The following DIAPH2 variants were observed in gnomAD, a reference collection of about 807,000 sequenced individuals.
DIAPH2 encodes protein diaphanous homolog 2.
In DIAPH2, 35 loss-of-function variants were observed where a neutral mutation model predicts 92.7. The ratio of observed to expected loss-of-function variants is 0.38; its 90% CI spans 0.29 to 0.50. DIAPH2 has a LOEUF of 0.50. DIAPH2 is among the 20% of genes least tolerant of loss of function. DIAPH2 has a pLI of 0.94. For synonymous variants in DIAPH2, 301 were observed against 280.4 expected (o/e 1.07, Z -0.73); for missense variants, 701 against 819.5 (o/e 0.86, Z 1.77).
chrX:97,299,140 G>A (rs763098742), intron 23 of DIAPH2, among the ~76,000 whole-genome samples: 1 of 111,698 alleles, frequency 9.0e-6, no homozygotes, highest in South Asian at 3.7e-4. Flanking sequence ...CTATAAAGAG[G>A]GAAAATAAGA....
Position 97,409,737 on chromosome X carries a change from C to T in DIAPH2, c.3146-19913C>T, listed in dbSNP as rs138970433. The stretch of plus-strand genomic sequence containing the variant: ...AGATTATATCCCGTGCCTGGCTCAG[C>T]GGGCCCCACGCTCACGGAGCCTTGC... On this transcript the variant is annotated intron_variant, in intron 25 of 26. Transcript: ENST00000324765. Among the ~76,000 whole-genome samples, 576 of 112,410 alleles carry T rather than the reference C, an allele frequency of 5.1e-3. 3 individuals are homozygous for T. The highest frequency in any genetic ancestry group is 0.01 in the South Asian group (27 of 2,643).
chrX:96,773,471 A>C (rs1024531612), intron 4 of DIAPH2, among the ~76,000 whole-genome samples: 6 of 111,181 alleles, frequency 5.4e-5, no homozygotes, highest in Non-Finnish European at 9.4e-5. Flanking sequence ...CAGAGAGAAA[A>C]GATGACCATC....
intron 17 of DIAPH2, among the ~76,000 whole-genome samples, chrX:96,976,689 A>G (rs2065964295): frequency 9.0e-6 from 1 of 110,970 alleles, no homozygotes; most frequent in African/African-American, 3.3e-5. Flanking sequence ...GAAAGAGAGT[A>G]TCTTCTGCCT....
At chrX:97,014,432 G>C (rs774731478) in intron 17 of DIAPH2, among the ~76,000 whole-genome samples, 6 of 111,839 alleles carry the variant, frequency 5.4e-5, no homozygotes, top group African/African-American at 2.0e-4. Context: ...CTTCTGTTGC[G>C]TACTTTTCTT....
At chrX:97,567,072 C>G (rs2071332623) in intron 26 of DIAPH2, among the ~76,000 whole-genome samples, 1 of 111,538 alleles carries the variant, frequency 9.0e-6, no homozygotes, top group Non-Finnish European at 1.9e-5. Context: ...CACATAATAA[C>G]TACACACATC....
chrX:96,685,206 G>GC lies in DIAPH2; in HGVS notation c.132+21dup. On this transcript the variant is annotated intron_variant, in intron 1 of 26. Transcript: ENST00000324765. ...ACCCAAATTGGTGAGTGCTCCCGCA[G>GC]CCCCCGCCGGCCTTAGGGACAGGGA... 1.0e-6 allele frequency: 1 copy of GC among 988,981 alleles called. No individual in the cohort carries two copies. The highest frequency in any genetic ancestry group is 1.3e-6 in the Non-Finnish European group (1 of 775,957). 81.5% of individuals were successfully genotyped at this position (988,981 alleles called of 1,213,427 possible).
intron 21 of DIAPH2, among the ~76,000 whole-genome samples, chrX:97,138,424 A>AT (rs2067187882): frequency 8.9e-6 from 1 of 111,937 alleles, no homozygotes; most frequent in African/African-American, 3.2e-5. Flanking sequence ...TATTAAAGGT[A>AT]TTTTGTATTC....
intron 23 of DIAPH2, among the ~76,000 whole-genome samples, chrX:97,260,016 G>C (rs1467134306): frequency 2.7e-5 from 3 of 111,809 alleles, no homozygotes; most frequent in African/African-American, 9.8e-5. Flanking sequence ...TTTTAGTAGA[G>C]ATGGGCTTTC....
In DIAPH2 at chrX:97,587,235, G is replaced by A. The variant is rs192540634; in HGVS notation, c.3242-12018G>A. Among the ~76,000 whole-genome samples the A allele has an allele frequency of 5.7e-3, 615 of 108,512 alleles. 2 individuals are homozygous for A. The highest frequency in any genetic ancestry group is 0.02 in the African/African-American group (580 of 29,599). The allele number at this position is 108,512 out of a possible 115,157, so 94.2% of individuals were successfully genotyped here. On this transcript the variant is annotated intron_variant, in intron 26 of 26. Coordinates refer to ENST00000324765, the MANE Select transcript of DIAPH2 (RefSeq NM_006729.5). The stretch of plus-strand genomic sequence containing the variant: ...AGTGCATAAGTCTACTCAGGAAACC[G>A]AATTGAATTTCAGCAGGTTGCCTGG...
intron 4 of DIAPH2, among the ~76,000 whole-genome samples, chrX:96,826,487 A>G (rs944113244): frequency 1.8e-5 from 2 of 111,502 alleles, no homozygotes; most frequent in African/African-American, 6.5e-5. Flanking sequence ...AAAGCAAATA[A>G]TAATTACAAT....
At chrX:96,898,366 T>A (rs1350011605) in intron 5 of DIAPH2, among the ~76,000 whole-genome samples, 1 of 99,585 alleles carries the variant, frequency 1.0e-5, no homozygotes, top group Non-Finnish European at 2.1e-5. Flanking sequence ...TTCCTATTTC[T>A]CCACATCCTC....
chrX:97,492,991 A>G (rs768996970), intron 26 of DIAPH2, among the ~76,000 whole-genome samples: 1 of 111,862 alleles, frequency 8.9e-6, no homozygotes, highest in South Asian at 3.7e-4. Flanking sequence ...TCCCCTGACT[A>G]TCTCTCTTCT....
rs755233576 is a variant in DIAPH2, at chrX:96,958,056, C to T, written c.1843C>T (p.Pro615Ser). 1.3e-5 allele frequency: 16 copies of T among 1,211,534 alleles called. No individual in the cohort carries two copies. Among genetic ancestry groups the T allele is most frequent in the Non-Finnish European group, 1.7e-5 (15 of 895,402 alleles). Residue 615 changes from proline (P) to serine (S), a missense_variant, in exon 16 of 27, where the codon CCC becomes TCC. Physicochemically the swap from Pro to Ser is moderately conservative, Grantham distance 74. Around this residue, in one of 3 missense-constraint regions of DIAPH2, gnomAD observed 536 missense variants for 599.3 expected, o/e 0.89. Coordinates refer to ENST00000324765, the MANE Select transcript of DIAPH2 (RefSeq NM_006729.5). Reference protein sequence around the residue: ...PPPPLGGVPPPPGISLNLPYG... With the variant: ...PPPPLGGVPPSPGISLNLPYG... The stretch of plus-strand genomic sequence containing the variant: ...ACCACCCCTTGGAGGAGTTCCTCCT[C>T]CCCCAGGAATATCACTTAATCTACC...
intron 4 of DIAPH2, among the ~76,000 whole-genome samples, chrX:96,806,646 C>CTAAA (rs2064627220): frequency 2.9e-5 from 1 of 34,440 alleles, no homozygotes; most frequent in Non-Finnish European, 4.4e-5. Context: ...AACTCCATCT[C>CTAAA]AAAAAAAAAA....
intron 25 of DIAPH2, among the ~76,000 whole-genome samples, chrX:97,387,655 C>T (rs777968820): frequency 8.9e-6 from 1 of 111,910 alleles, no homozygotes; most frequent in Non-Finnish European, 1.9e-5. Context: ...TCCAAAAACA[C>T]CCTCACAGAA....
At chrX:97,231,587 C>T (rs754821326) in intron 22 of DIAPH2, among the ~76,000 whole-genome samples, 1 of 111,502 alleles carries the variant, frequency 9.0e-6, no homozygotes, top group South Asian at 3.8e-4. Flanking sequence ...ACAATTTTTA[C>T]AGTAACATGC....
intron 4 of DIAPH2, among the ~76,000 whole-genome samples, chrX:96,791,143 G>A (rs762929284): frequency 5.4e-5 from 6 of 111,479 alleles, no homozygotes; most frequent in Non-Finnish European, 1.1e-4. Flanking sequence ...AACTTATTTA[G>A]CACTTAGTAT....
intron 22 of DIAPH2, among the ~76,000 whole-genome samples, chrX:97,173,949 A>G (rs2067472768): frequency 9.3e-6 from 1 of 107,412 alleles, no homozygotes; most frequent in Non-Finnish European, 1.9e-5. Context: ...ATAGAATAGT[A>G]TCTAATGGTA....
chrX:96,925,965 A>G (rs1328905999), intron 9 of DIAPH2, among the ~76,000 whole-genome samples: 2 of 111,878 alleles, frequency 1.8e-5, no homozygotes, highest in African/African-American at 6.5e-5. Flanking sequence ...GACTTAAATC[A>G]TCTTTGTTCC....
Sources: allele counts gnomAD v4.1 joint callset (sites outside exome capture counted in the v4.1 genomes callset), GRCh38; gene constraint gnomAD v4.1.1; regional missense constraint gnomAD v4.1.1; transcripts MANE v1.5; gene names NCBI Gene and HGNC (gene_info 2026-07-23, HGNC 2026-07-21).